KIF5C: variants seen among roughly 807,000 people sequenced by gnomAD.
KIF5C encodes kinesin family member 5C.
Under a neutral mutation model 125.2 loss-of-function variants are expected in KIF5C, and 18 were observed. That is an observed-to-expected ratio of 0.14 (90% CI 0.10 to 0.21). KIF5C has a LOEUF of 0.21. KIF5C is among the 10% of genes least tolerant of loss of function. KIF5C has a pLI of 1.00. For missense variants in KIF5C, 780 were observed against 1,183.8 expected (o/e 0.66, Z 5.01); for synonymous variants, 405 against 434.0 (o/e 0.93, Z 0.83).
intron 25 of KIF5C, among the ~76,000 whole-genome samples, chr2:149,017,801 AC>A (rs1160275256): frequency 6.6e-6 from 1 of 152,236 alleles, no homozygotes; most frequent in Non-Finnish European, 1.5e-5. Context: ...TACATTCCCT[AC>A]TTACAGATCT....
chr2:148,995,098 C>T (rs994387894), intron 17 of KIF5C, among the ~76,000 whole-genome samples: 15 of 152,178 alleles, frequency 9.9e-5, no homozygotes, highest in African/African-American at 3.4e-4. Context: ...TGCTCCCCAC[C>T]TCCTGACTCT....
At chr2:148,991,794 A>T (rs1681533421) in intron 16 of KIF5C, among the ~76,000 whole-genome samples, 1 of 152,224 alleles carries the variant, frequency 6.6e-6, no homozygotes, top group Admixed American at 6.5e-5. Flanking sequence ...AATGTGTGTG[A>T]ACCCAAAACC....
Position 148,997,325 on chromosome 2 carries a change from T to C in KIF5C, c.2085T>C (p.Asp695=). ...AGGAACATCTGACGCGGTTGCAGGA[T>C]GCTGAAGAAATGAAGGTGTGTGTGG... ...KEKEHLTRLQ[D]AEEMKKALEQ... The change falls in exon 18 of 26, where the codon GAT becomes GAC. Residue 695 remains aspartate, a synonymous_variant. Transcript: ENST00000435030. 1 of 1,613,964 alleles carries C rather than the reference T, an allele frequency of 6.2e-7. No individual in the cohort carries two copies. The highest frequency in any genetic ancestry group is 1.1e-5 in the South Asian group (1 of 91,066).
chr2:148,919,666 AT>A (rs1172310139), intron 1 of KIF5C, among the ~76,000 whole-genome samples: 1 of 152,234 alleles, frequency 6.6e-6, no homozygotes, highest in Non-Finnish European at 1.5e-5. Flanking sequence ...TATCAATTAT[AT>A]ATACAGCTGG....
chr2:149,019,250 C>T (rs944893510), intron 25 of KIF5C, among the ~76,000 whole-genome samples: 5 of 152,022 alleles, frequency 3.3e-5, no homozygotes, highest in Non-Finnish European at 7.4e-5. Flanking sequence ...TCATAGTGCC[C>T]GTATCACAGG....
rs772946694 is a variant in KIF5C at position 148,983,594 on chromosome 2, A to AT, written c.1570-23dup. ...ATGAAATTGATGGGCAACCCTTTGA[A>AT]TTTGTTGTTGAAATTTGTTTTTCAG... On this transcript the variant is annotated intron_variant, in intron 14 of 25. Coordinates refer to ENST00000435030, the MANE Select transcript of KIF5C (RefSeq NM_004522.3). 2.3e-5 allele frequency: 35 copies of AT among 1,536,248 alleles called. 1 individual carries two copies. The highest frequency in any genetic ancestry group is 2.6e-5 in the Non-Finnish European group (29 of 1,135,472).
intron 12 of KIF5C, among the ~76,000 whole-genome samples, chr2:148,978,679 T>C (rs1681146085): frequency 6.6e-6 from 1 of 152,160 alleles, no homozygotes; most frequent in Admixed American, 6.5e-5. Flanking sequence ...TGAGCAGGAA[T>C]TGGGTTGAAT....
At chr2:148,945,113 G>A (rs773470798) in intron 7 of KIF5C, among the ~76,000 whole-genome samples, 4 of 151,994 alleles carry the variant, frequency 2.6e-5, no homozygotes, top group Non-Finnish European at 4.4e-5. Context: ...ACTATTGATA[G>A]TGTCTTTTGA....
intron 4 of KIF5C, among the ~76,000 whole-genome samples, chr2:148,941,148 C>T (rs1682398563): frequency 6.6e-6 from 1 of 152,162 alleles, no homozygotes; most frequent in East Asian, 1.9e-4. Flanking sequence ...AGCTCTTGCT[C>T]AGTTACCTTT....
chr2:148,910,009 C>G (rs531951117), intron 1 of KIF5C, among the ~76,000 whole-genome samples: 1 of 152,286 alleles, frequency 6.6e-6, no homozygotes, highest in Admixed American at 6.5e-5. Context: ...TGGACCTGTT[C>G]AATAAGTGGC....
intron 25 of KIF5C, among the ~76,000 whole-genome samples, chr2:149,022,000 G>A (rs535590871): frequency 1.6e-4 from 24 of 152,238 alleles, no homozygotes; most frequent in Admixed American, 9.1e-4. Flanking sequence ...CATTCAGGCT[G>A]GTCTAGACGT....
intron 21 of KIF5C, among the ~76,000 whole-genome samples, chr2:149,003,716 C>T (rs1424225636): frequency 1.3e-5 from 2 of 152,142 alleles, no homozygotes; most frequent in Admixed American, 1.3e-4. Context: ...TTTATACTAC[C>T]CTTCCCAAAC....
At chr2:148,895,423 C>A (rs763300606) in intron 1 of KIF5C, among the ~76,000 whole-genome samples, 9 of 152,134 alleles carry the variant, frequency 5.9e-5, no homozygotes, top group African/African-American at 9.7e-5. Context: ...CAGGTGTGAG[C>A]CACCGCACTT....
rs112537962 is a variant in KIF5C, at chr2:148,880,864, T to G, written c.126+5121T>G. ...CACTGAGGCCACTCACTATTCACAG[T>G]AGGCACACAGTCAGTGAATGGGGTG... On this transcript the variant is annotated intron_variant, in intron 1 of 25. Coordinates refer to ENST00000435030, the MANE Select transcript of KIF5C (RefSeq NM_004522.3). 8.2e-3 allele frequency among the ~76,000 whole-genome samples: 1,247 copies of G among 151,488 alleles called. 21 individuals are homozygous for G. Among genetic ancestry groups the G allele is most frequent in the African/African-American group, 0.029 (1,189 of 41,202 alleles).
At position 149,018,919 on chromosome 2, in the gene KIF5C, G is replaced by A. The variant is rs182538345; in HGVS notation, c.*8-4159G>A. Among the ~76,000 whole-genome samples the A allele has an allele frequency of 1.2e-4, 18 of 152,120 alleles. 1 individual carries two copies. In the East Asian group the frequency reaches 3.5e-3, roughly 29 times the overall value. On this transcript the variant is annotated intron_variant, in intron 25 of 25. Transcript: ENST00000435030. ...GATATGTATCATATTAGAAATTAAA[G>A]CAAAATATTTAGAATACTGCCGGGT...
intron 3 of KIF5C, among the ~76,000 whole-genome samples, chr2:148,934,627 C>T (rs561355250): frequency 5.1e-4 from 78 of 151,598 alleles, no homozygotes; most frequent in Admixed American, 3.2e-3. Flanking sequence ...ATACAATACA[C>T]ACACGCCACA....
chr2:148,960,432 C>T (rs1385789894), intron 10 of KIF5C, among the ~76,000 whole-genome samples: 2 of 152,158 alleles, frequency 1.3e-5, no homozygotes, highest in Non-Finnish European at 2.9e-5. Context: ...TGAGAAGCAT[C>T]CACAGTACTG....
At chr2:148,983,110 T>C (rs1437557133) in intron 14 of KIF5C, among the ~76,000 whole-genome samples, 1 of 151,822 alleles carries the variant, frequency 6.6e-6, no homozygotes, top group Admixed American at 6.5e-5. Context: ...TGGAAGACTT[T>C]TTTTTTTGAA....
chr2:148,949,306 A>T (rs1682601023), intron 8 of KIF5C, among the ~76,000 whole-genome samples: 1 of 151,980 alleles, frequency 6.6e-6, no homozygotes, highest in South Asian at 2.1e-4. Context: ...CTTTTTGGAT[A>T]TTTTTCATTT....
Sources: gnomAD v4.1 joint callset for allele counts (sites outside exome capture counted in the v4.1 genomes callset) on GRCh38, gnomAD v4.1.1 for gene constraint, MANE v1.5 for transcripts, NCBI Gene and HGNC (gene_info 2026-07-23, HGNC 2026-07-21) for gene names.